Variants in CDK14 observed in about 807,000 individuals in gnomAD.
The protein encoded by CDK14 is cyclin dependent kinase 14.
Under a neutral mutation model 60.7 loss-of-function variants are expected in CDK14, and 34 were observed. That is an observed-to-expected ratio of 0.56 (90% CI 0.43 to 0.75). CDK14 has a LOEUF of 0.75. Ranked by LOEUF, CDK14 falls within the 30% of genes least tolerant of loss-of-function variation. CDK14 has a pLI of 0.00. For missense variants in CDK14, 482 were observed against 564.1 expected, an observed-to-expected ratio of 0.85 and a Z score of 1.47; for synonymous variants, 197 against 203.7, an observed-to-expected ratio of 0.97 and a Z score of 0.28.
chr7:90,908,357 A>G (rs1027377225), intron 7 of CDK14, among the ~76,000 whole-genome samples: 26 of 152,224 alleles, frequency 1.7e-4, no homozygotes, highest in African/African-American at 6.0e-4. Flanking sequence ...TGGATCCAGC[A>G]AAAGAATTAA....
At chr7:90,861,697 CAA>C (rs1431619775) in intron 5 of CDK14, among the ~76,000 whole-genome samples, 4 of 152,064 alleles carry the variant, frequency 2.6e-5, no homozygotes, top group African/African-American at 9.7e-5. Flanking sequence ...GAAAAAGAAA[CAA>C]GACAACCCAA....
At chr7:91,144,129 C>T (rs1800550436) in intron 14 of CDK14, among the ~76,000 whole-genome samples, 1 of 152,132 alleles carries the variant, frequency 6.6e-6, no homozygotes, top group Admixed American at 6.5e-5. Flanking sequence ...CCCCCAAAAC[C>T]CTTACCAGAT....
intron 2 of CDK14, among the ~76,000 whole-genome samples, chr7:90,702,483 A>T (rs1157492610): frequency 6.6e-6 from 1 of 152,066 alleles, no homozygotes; most frequent in Non-Finnish European, 1.5e-5. Context: ...TTGAAGAGCG[A>T]TGCACACATG....
intron 11 of CDK14, among the ~76,000 whole-genome samples, chr7:91,058,485 A>G (rs1348443242): frequency 1.3e-5 from 2 of 152,148 alleles, no homozygotes; most frequent in Non-Finnish European, 2.9e-5. Flanking sequence ...GTCTTGTGCC[A>G]GTTTTCAAAG....
chr7:90,949,626 G>C (rs1794197182), intron 8 of CDK14, among the ~76,000 whole-genome samples: 3 of 152,282 alleles, frequency 2.0e-5, no homozygotes, highest in Non-Finnish European at 4.4e-5. Flanking sequence ...ACATGTTTCA[G>C]TGTCTTCTGG....
intron 14 of CDK14, among the ~76,000 whole-genome samples, chr7:91,171,156 T>TGGC (rs1418880854): frequency 1.3e-5 from 2 of 152,130 alleles, no homozygotes; most frequent in African/African-American, 4.8e-5. Flanking sequence ...GAGACCATCC[T>TGGC]CGCTAACACA....
At chr7:90,649,292 CTTTCT>C (rs1800544183) in intron 2 of CDK14, among the ~76,000 whole-genome samples, 1 of 66,890 alleles carries the variant, frequency 1.5e-5, no homozygotes, top group African/African-American at 7.6e-5. Context: ...TTCTTTCTTT[CTTTCT>C]TTCTTTCTTT....
intron 2 of CDK14, among the ~76,000 whole-genome samples, chr7:90,639,457 A>G (rs910060275): frequency 1.3e-5 from 2 of 152,060 alleles, no homozygotes; most frequent in Non-Finnish European, 2.9e-5. Flanking sequence ...TTCGTGTTAC[A>G]TGAATGCTGC....
chr7:90,672,502 GTTTTTTTTTTTTTTTTT>G (rs201978996), intron 2 of CDK14, among the ~76,000 whole-genome samples: 1,454 of 50,120 alleles, frequency 0.029, 43 homozygotes, highest in African/African-American at 0.094. Context: ...TTCTTCTTCT[GTTTTTTTTTTTTTTTTT>G]TTTTTTTTTT....
At chr7:91,142,217 A>T (rs43009) in intron 14 of CDK14, among the ~76,000 whole-genome samples, 15 of 152,248 alleles carry the variant, frequency 9.9e-5, no homozygotes, top group African/African-American at 2.9e-4. Flanking sequence ...TCATTTTTTT[A>T]TTGTTGTTGT....
intron 5 of CDK14, among the ~76,000 whole-genome samples, chr7:90,830,368 G>A (rs890458572): frequency 8.5e-5 from 13 of 152,202 alleles, no homozygotes; most frequent in African/African-American, 2.7e-4. Context: ...GTGCCTTTTA[G>A]CCATGGCTGG....
intron 3 of CDK14, among the ~76,000 whole-genome samples, chr7:90,734,222 C>T (rs1480368422): frequency 1.3e-5 from 2 of 152,160 alleles, no homozygotes; most frequent in Non-Finnish European, 2.9e-5. Context: ...CCTGAGTCTT[C>T]TCTCTGGCTG....
At chr7:90,816,731 G>A (rs1312843868) in intron 5 of CDK14, among the ~76,000 whole-genome samples, 1 of 152,198 alleles carries the variant, frequency 6.6e-6, no homozygotes, top group African/African-American at 2.4e-5. Context: ...GAAGTCAGAC[G>A]TGGCAACAGT....
intron 2 of CDK14, among the ~76,000 whole-genome samples, chr7:90,628,383 A>C (rs1215634183): frequency 6.6e-6 from 1 of 152,064 alleles, no homozygotes; most frequent in Non-Finnish European, 1.5e-5. Flanking sequence ...CTCCTCAATC[A>C]CTTCCAAGTG....
intron 1 of CDK14, among the ~76,000 whole-genome samples, chr7:90,603,310 C>G (rs1448637314): frequency 6.6e-6 from 1 of 152,194 alleles, no homozygotes; most frequent in East Asian, 1.9e-4. Context: ...AAGCTATGAA[C>G]AGTCACGCAT....
intron 11 of CDK14, among the ~76,000 whole-genome samples, chr7:91,058,244 G>A (rs1017285710): frequency 1.3e-5 from 2 of 152,016 alleles, no homozygotes; most frequent in African/African-American, 4.8e-5. Context: ...TCTGATTTTT[G>A]CACATTGATT....
rs561639210 is a variant in CDK14, at chr7:90,873,115, G to T, written c.639+9846G>T. On this transcript the variant is annotated intron_variant, in intron 6 of 14. Transcript: ENST00000380050. ...AAGAAAACAATACTCCTGGAAAACT[G>T]CATGATTCAGGGGGTGGGTGGAGGC... Among the ~76,000 whole-genome samples, 34 of 152,198 alleles carry T rather than the reference G, an allele frequency of 2.2e-4. No individual in the cohort carries two copies. The South Asian group carries it at 7.0e-3, about 32-fold the overall frequency.
chr7:91,141,797 G>GTTT (rs869201397), intron 14 of CDK14, among the ~76,000 whole-genome samples: 14 of 111,396 alleles, frequency 1.3e-4, no homozygotes, highest in Admixed American at 3.1e-4. Flanking sequence ...AAAACAGTGG[G>GTTT]TTTTGTTGTT....
At chr7:90,811,030 G>T (rs146601050) in intron 5 of CDK14, among the ~76,000 whole-genome samples, 29,896 of 151,984 alleles carry the variant, frequency 0.2, 3,040 homozygotes, top group South Asian at 0.24. Context: ...TCGTGAGAAT[G>T]GCCATACTGC....
Sources: allele counts gnomAD v4.1 joint callset (sites outside exome capture counted in the v4.1 genomes callset), GRCh38; gene constraint gnomAD v4.1.1; transcripts MANE v1.5; gene names NCBI Gene and HGNC (gene_info 2026-07-23, HGNC 2026-07-21).